The following PLXDC2 variants were observed in gnomAD, a reference collection of about 807,000 sequenced individuals.
PLXDC2 encodes plexin domain-containing protein 2.
Under a neutral mutation model 68.9 loss-of-function variants are expected in PLXDC2, and 40 were observed. The observed-to-expected ratio is 0.58, with a 90% CI of 0.45 to 0.76. The LOEUF is 0.76. PLXDC2 is among the 30% of genes least tolerant of loss of function. The pLI is 0.00. For missense variants in PLXDC2, 644 were observed against 661.9 expected (o/e 0.97, Z 0.30); for synonymous variants, 243 against 234.2 (o/e 1.04, Z -0.34).
intron 4 of PLXDC2, among the ~76,000 whole-genome samples, chr10:20,082,480 C>T (rs1836585759): frequency 7.0e-6 from 1 of 142,822 alleles, no homozygotes; most frequent in South Asian, 2.4e-4. Flanking sequence ...TTAAATAATA[C>T]ATAATATCAC....
chr10:20,020,178 A>ATTTTTTTTTTTTTTT (rs71388889), intron 2 of PLXDC2, among the ~76,000 whole-genome samples: 7 of 107,330 alleles, frequency 6.5e-5, no homozygotes, highest in African/African-American at 2.1e-4. Flanking sequence ...CACCCAGCAA[A>ATTTTTTTTTTTTTTT]TTTTTTTTTT....
intron 4 of PLXDC2, among the ~76,000 whole-genome samples, chr10:20,082,072 A>AAAAAAAAAAAG (rs1564308574): frequency 6.7e-6 from 1 of 149,260 alleles, no homozygotes; most frequent in African/African-American, 2.5e-5. Context: ...ATCAAAAAAA[A>AAAAAAAAAAAG]AAAACAGGAG....
At chr10:19,847,040 C>T (rs1837022423) in intron 1 of PLXDC2, among the ~76,000 whole-genome samples, 1 of 152,000 alleles carries the variant, frequency 6.6e-6, no homozygotes, top group South Asian at 2.1e-4. Context: ...GAAAAACTCG[C>T]CCCCATGCTT....
chr10:19,871,798 A>C (rs1837541045), intron 1 of PLXDC2, among the ~76,000 whole-genome samples: 1 of 151,756 alleles, frequency 6.6e-6, no homozygotes, highest in Non-Finnish European at 1.5e-5. Context: ...AGGCAGGAGA[A>C]TCACTTGAAC....
chr10:19,912,949 G>A (rs1833300657), intron 1 of PLXDC2, among the ~76,000 whole-genome samples: 1 of 152,156 alleles, frequency 6.6e-6, no homozygotes, highest in Admixed American at 6.5e-5. Context: ...TCCTAAGGCA[G>A]TTTAATTATG....
chr10:20,079,810 C>A (rs1248463699), intron 4 of PLXDC2, among the ~76,000 whole-genome samples: 1 of 152,056 alleles, frequency 6.6e-6, no homozygotes, highest in Non-Finnish European at 1.5e-5. Flanking sequence ...GGAGGGAGAA[C>A]ATTAGGACAA....
At chr10:19,999,148 G>GGCATTCCGTTTACTTTCTGTTCT (rs1834887744) in intron 1 of PLXDC2, among the ~76,000 whole-genome samples, 1 of 152,160 alleles carries the variant, frequency 6.6e-6, no homozygotes, top group African/African-American at 2.4e-5. Context: ...TCCAGTATTA[G>GGCATTCCGTTTACTTTCTGTTCT]GCATTCCGTT....
Position 20,068,205 on chromosome 10 carries a change from C to T in PLXDC2, c.507C>T (p.Gly169=). 6.2e-7 allele frequency: 1 copy of T among 1,613,186 alleles called. No homozygotes were observed. The highest frequency in any genetic ancestry group is 1.3e-5 in the African/African-American group (1 of 74,996). The change falls in exon 4 of 14, where the codon GGC becomes GGT. Residue 169 remains glycine, a synonymous_variant. Coordinates refer to ENST00000377252, the MANE Select transcript of PLXDC2 (RefSeq NM_032812.9). ...TGTCCTTCGATTTTCCATTTTATGG[C>T]CACTTCCTACGTGAAATCACTGTGG... is the stretch of plus-strand genomic sequence containing the variant. ...VNLSFDFPFY[G]HFLREITVAT... is the part of the protein sequence containing the mutation.
At chr10:20,198,731 T>G (rs1316167251) in intron 9 of PLXDC2, among the ~76,000 whole-genome samples, 1 of 152,172 alleles carries the variant, frequency 6.6e-6, no homozygotes, top group Non-Finnish European at 1.5e-5. Flanking sequence ...TCTGCTATAA[T>G]CTGATGTGTT....
At chr10:19,913,096 C>T (rs1833303948) in intron 1 of PLXDC2, among the ~76,000 whole-genome samples, 1 of 152,130 alleles carries the variant, frequency 6.6e-6, no homozygotes, top group South Asian at 2.1e-4. Context: ...TGAATTGAAT[C>T]CCCAGAAGAA....
At chr10:19,830,919 G>T (rs1022886552) in intron 1 of PLXDC2, among the ~76,000 whole-genome samples, 1 of 151,952 alleles carries the variant, frequency 6.6e-6, no homozygotes, top group Non-Finnish European at 1.5e-5. Flanking sequence ...ATTGCTATTT[G>T]TGTAAGTATT....
chr10:20,185,733 A>C (rs1023953778), intron 9 of PLXDC2, among the ~76,000 whole-genome samples: 16 of 151,972 alleles, frequency 1.1e-4, no homozygotes, highest in African/African-American at 3.9e-4. Context: ...TGATTGTTTC[A>C]TATAAGGAAA....
chr10:20,016,510 C>T (rs1032588723), intron 2 of PLXDC2, among the ~76,000 whole-genome samples: 6 of 152,242 alleles, frequency 3.9e-5, no homozygotes, highest in Admixed American at 2.6e-4. Flanking sequence ...GATTTGTTTT[C>T]GCACTCAAAT....
At chr10:20,095,203 A>G (rs1194465232) in intron 4 of PLXDC2, among the ~76,000 whole-genome samples, 1 of 152,204 alleles carries the variant, frequency 6.6e-6, no homozygotes, top group Non-Finnish European at 1.5e-5. Flanking sequence ...TTCTTGTGAA[A>G]TCAGTGCGTA....
At chr10:20,011,209 T>C (rs1835108875) in intron 2 of PLXDC2, among the ~76,000 whole-genome samples, 1 of 152,140 alleles carries the variant, frequency 6.6e-6, no homozygotes, top group South Asian at 2.1e-4. Context: ...CAAGTGGCCA[T>C]TGAGTATGGG....
chr10:20,127,260 C>T (rs1833805488), intron 4 of PLXDC2, among the ~76,000 whole-genome samples: 1 of 152,110 alleles, frequency 6.6e-6, no homozygotes, highest in African/African-American at 2.4e-5. Context: ...ATTGTCAGCA[C>T]ATTCAGGACA....
At chr10:19,844,501 G>A (rs1237995004) in intron 1 of PLXDC2, among the ~76,000 whole-genome samples, 2 of 152,098 alleles carry the variant, frequency 1.3e-5, no homozygotes, top group African/African-American at 4.8e-5. Context: ...AAGGCTACAG[G>A]AATGAGGGAT....
chr10:19,899,620 A>G (rs1838124727), intron 1 of PLXDC2, among the ~76,000 whole-genome samples: 1 of 152,206 alleles, frequency 6.6e-6, no homozygotes, highest in South Asian at 2.1e-4. Flanking sequence ...GTAAATTTTA[A>G]GTATATATTT....
At chr10:19,957,279 G>A (rs1834085612) in intron 1 of PLXDC2, among the ~76,000 whole-genome samples, 1 of 152,008 alleles carries the variant, frequency 6.6e-6, no homozygotes, top group South Asian at 2.1e-4. Context: ...TCTCTTTGTA[G>A]TTCTTTGTTG....
Sources: gnomAD v4.1 joint callset for allele counts (sites outside exome capture counted in the v4.1 genomes callset) on GRCh38, gnomAD v4.1.1 for gene constraint, MANE v1.5 for transcripts, NCBI Gene and HGNC (gene_info 2026-07-23, HGNC 2026-07-21) for gene names.